Variants in NDUFAF2 observed in about 807,000 individuals in gnomAD.
NDUFAF2 encodes the protein NADH dehydrogenase [ubiquinone] 1 alpha subcomplex assembly factor 2.
In NDUFAF2, 13 loss-of-function variants were observed where a neutral mutation model predicts 22.8. The ratio of observed to expected loss-of-function variants is 0.57; its 90% CI spans 0.37 to 0.91. The LOEUF is 0.91. NDUFAF2 is among the 40% of genes least tolerant of loss of function. The probability of loss-of-function intolerance (pLI) is 0.01; values close to 1 mark genes in which losing one functional copy is unlikely to be tolerated. For synonymous variants in NDUFAF2, 53 were observed against 64.2 expected (o/e 0.83, Z 0.84); for missense variants, 162 against 195.2 (o/e 0.83, Z 1.01).
chr5:61,125,741 A>G (rs545344309), intron 3 of NDUFAF2, among the ~76,000 whole-genome samples: 1 of 152,236 alleles, frequency 6.6e-6, no homozygotes, highest in African/African-American at 2.4e-5. Flanking sequence ...CCAGTTGGAT[A>G]TTAAGTATGA....
intron 1 of NDUFAF2, among the ~76,000 whole-genome samples, chr5:60,972,074 C>G (rs940792318): frequency 6.6e-6 from 1 of 151,580 alleles, no homozygotes; most frequent in Admixed American, 6.6e-5. Context: ...TCCTGAGTAG[C>G]TAGGATTACA....
chr5:61,112,867 G>T (rs1050658929), intron 3 of NDUFAF2, among the ~76,000 whole-genome samples: 4 of 147,042 alleles, frequency 2.7e-5, no homozygotes, highest in African/African-American at 9.9e-5. Flanking sequence ...ATTTTCTGTG[G>T]TGGTTATGTT....
chr5:60,955,772 C>G (rs1750607432), intron 1 of NDUFAF2, among the ~76,000 whole-genome samples: 1 of 152,102 alleles, frequency 6.6e-6, no homozygotes, highest in African/African-American at 2.4e-5. Flanking sequence ...TTATAGTTTT[C>G]AGTGAATAAG....
intron 1 of NDUFAF2, among the ~76,000 whole-genome samples, chr5:61,012,349 A>G (rs944075902): frequency 1.4e-4 from 21 of 152,112 alleles, no homozygotes; most frequent in Non-Finnish European, 2.9e-5. Flanking sequence ...CATTTTTTAC[A>G]TGTTTAAAAT....
chr5:60,964,241 C>T (rs1389570532), intron 1 of NDUFAF2, among the ~76,000 whole-genome samples: 2 of 151,910 alleles, frequency 1.3e-5, no homozygotes, highest in Non-Finnish European at 2.9e-5. Flanking sequence ...TACTGTTATA[C>T]CACATTTGGT....
intron 2 of NDUFAF2, among the ~76,000 whole-genome samples, chr5:61,086,387 G>A (rs1490010968): frequency 2.0e-5 from 3 of 152,000 alleles, no homozygotes; most frequent in Non-Finnish European, 2.9e-5. Context: ...GAACAAGATT[G>A]GAGAATTTAA....
chr5:61,068,316 A>G (rs571619206), intron 1 of NDUFAF2, among the ~76,000 whole-genome samples: 56 of 152,246 alleles, frequency 3.7e-4, no homozygotes, highest in Middle Eastern at 3.4e-3. Flanking sequence ...TTTAAACACA[A>G]TTGAACAAAA....
chr5:60,982,503 C>T (rs1276902573), intron 1 of NDUFAF2, among the ~76,000 whole-genome samples: 1 of 150,658 alleles, frequency 6.6e-6, no homozygotes, highest in Non-Finnish European at 1.5e-5. Flanking sequence ...CACCCATTAA[C>T]TCATCATTTA....
At chr5:60,989,499 A>C (rs1473497975) in intron 1 of NDUFAF2, among the ~76,000 whole-genome samples, 2 of 152,238 alleles carry the variant, frequency 1.3e-5, no homozygotes, top group Non-Finnish European at 2.9e-5. Flanking sequence ...ACATGGAGTC[A>C]AGCACCCATG....
intron 1 of NDUFAF2, among the ~76,000 whole-genome samples, chr5:60,993,498 G>A (rs1751187559): frequency 6.6e-6 from 1 of 152,216 alleles, no homozygotes; most frequent in East Asian, 1.9e-4. Flanking sequence ...TGGAGGGTGA[G>A]CAAGGTGAAG....
At chr5:61,104,862 A>G (rs1235793710) in intron 3 of NDUFAF2, among the ~76,000 whole-genome samples, 1 of 152,142 alleles carries the variant, frequency 6.6e-6, no homozygotes, top group African/African-American at 2.4e-5. Context: ...TTAAAATTTC[A>G]TGTTGCATTC....
At chr5:60,993,119 G>GCA (rs1751182431) in intron 1 of NDUFAF2, among the ~76,000 whole-genome samples, 2 of 152,370 alleles carry the variant, frequency 1.3e-5, no homozygotes, top group South Asian at 4.1e-4. Flanking sequence ...TGCAGCCACT[G>GCA]CACACAGTCA....
chr5:61,110,678 G>A (rs920203580), intron 3 of NDUFAF2, among the ~76,000 whole-genome samples: 26 of 151,876 alleles, frequency 1.7e-4, no homozygotes, highest in Middle Eastern at 3.4e-3. Context: ...CCTTTTTCAC[G>A]TCTTATTTTT....
At chr5:61,078,288 C>A (rs191797293) in intron 2 of NDUFAF2, among the ~76,000 whole-genome samples, 1 of 151,852 alleles carries the variant, frequency 6.6e-6, no homozygotes, top group East Asian at 1.9e-4. Context: ...AATATAAGCT[C>A]AGTCAACATT....
chr5:61,011,655 T>C (rs1279311751), intron 1 of NDUFAF2, among the ~76,000 whole-genome samples: 3 of 152,108 alleles, frequency 2.0e-5, no homozygotes, highest in East Asian at 1.9e-4. Context: ...CCAACAATTA[T>C]GTGAGCCATC....
At chr5:60,981,103 G>A (rs993950190) in intron 1 of NDUFAF2, among the ~76,000 whole-genome samples, 2 of 152,040 alleles carry the variant, frequency 1.3e-5, no homozygotes, top group African/African-American at 4.8e-5. Context: ...CAACTAAGCA[G>A]GTTTAACCCA....
chr5:61,056,902 AAAAAAAAAAAAAAAAAAAT>A (rs1192451282), intron 1 of NDUFAF2, among the ~76,000 whole-genome samples: 12 of 35,650 alleles, frequency 3.4e-4, no homozygotes, highest in African/African-American at 9.8e-4. Flanking sequence ...AAAAAAAAAA[AAAAAAAAAAAAAAAAAAAT>A]ATATATATAT....
chr5:61,031,224 G>A (rs1751722016), intron 1 of NDUFAF2, among the ~76,000 whole-genome samples: 1 of 152,002 alleles, frequency 6.6e-6, no homozygotes, highest in Admixed American at 6.6e-5. Flanking sequence ...TTGCAGGTTT[G>A]TTACATAGGT....
chr5:61,120,080 T>C (rs1313631117), intron 3 of NDUFAF2, among the ~76,000 whole-genome samples: 1 of 152,176 alleles, frequency 6.6e-6, no homozygotes, highest in Non-Finnish European at 1.5e-5. Context: ...TCTGCTGTTT[T>C]TACTTAACTA....
Sources: allele counts gnomAD v4.1 joint callset (sites outside exome capture counted in the v4.1 genomes callset), GRCh38; gene constraint gnomAD v4.1.1; transcripts MANE v1.5; gene names NCBI Gene and HGNC (gene_info 2026-07-23, HGNC 2026-07-21).